SLX4IP: variants seen among roughly 807,000 people sequenced by gnomAD.
SLX4IP encodes the protein protein SLX4IP.
A neutral mutation model predicts 32.9 loss-of-function variants in SLX4IP; 34 were observed. The ratio of observed to expected loss-of-function variants is 1.03; its 90% CI spans 0.79 to 1.38. The LOEUF (loss-of-function observed/expected upper bound fraction) is 1.38, where lower values mean the gene tolerates loss of function less well. SLX4IP is among the 40% of genes most tolerant of loss of function. The pLI, the probability that SLX4IP is intolerant of heterozygous loss-of-function variation, is 0.00. For synonymous variants in SLX4IP, 172 were observed against 171.7 expected (o/e 1.00, Z -0.01); for missense variants, 444 against 479.0 (o/e 0.93, Z 0.68).
At chr20:10,498,531 C>T (rs1030160708) in intron 2 of SLX4IP, among the ~76,000 whole-genome samples, 1 of 152,070 alleles carries the variant, frequency 6.6e-6, no homozygotes, top group Admixed American at 6.6e-5. Flanking sequence ...ATGGTTATCT[C>T]AGTTTTGAAG....
intron 2 of SLX4IP, among the ~76,000 whole-genome samples, chr20:10,541,632 C>T (rs765201568): frequency 6.6e-6 from 1 of 152,190 alleles, no homozygotes; most frequent in South Asian, 2.1e-4. Flanking sequence ...AGATATAGAA[C>T]ATGTGCATCA....
chr20:10,526,464 G>T (rs1280712236), intron 2 of SLX4IP, among the ~76,000 whole-genome samples: 1 of 152,186 alleles, frequency 6.6e-6, no homozygotes, highest in African/African-American at 2.4e-5. Flanking sequence ...TTTCTGACAC[G>T]TGCTGGTATT....
intron 1 of SLX4IP, among the ~76,000 whole-genome samples, chr20:10,439,566 A>G (rs897360688): frequency 3.9e-5 from 6 of 152,192 alleles, no homozygotes; most frequent in Non-Finnish European, 8.8e-5. Context: ...TATACAGTGA[A>G]ACCAAGAGGT....
Position 10,627,509 on chromosome 20 carries a change from C to T in SLX4IP, c.*4130C>T, listed in dbSNP as rs1600172557. On this transcript the variant is annotated 3_prime_UTR_variant, in exon 8 of 8. Coordinates refer to ENST00000334534, the MANE Select transcript of SLX4IP (RefSeq NM_001009608.3). ...GTATAATTAAATTCTCAGAAATCTG[C>T]AGGACTCACTCTAATTTGCTTTCTA... The T allele has an allele frequency of 1.3e-5, 2 of 152,158 alleles. No individual in the cohort carries two copies. The highest frequency in any genetic ancestry group is 3.8e-4 in the East Asian group (2 of 5,196). The allele number at this position is 152,158 out of a possible 1,614,324, so 9.4% of individuals were successfully genotyped here. A position where few individuals can be genotyped will look rare whatever the true frequency, so the allele number is the denominator to read the frequency against.
chr20:10,553,049 T>C (rs762190874), intron 2 of SLX4IP, among the ~76,000 whole-genome samples: 4 of 152,200 alleles, frequency 2.6e-5, no homozygotes, highest in Admixed American at 1.3e-4. Flanking sequence ...GGGCCTGTGA[T>C]TGAATTCAGA....
At chr20:10,476,099 C>T (rs944113150) in intron 2 of SLX4IP, among the ~76,000 whole-genome samples, 2 of 152,070 alleles carry the variant, frequency 1.3e-5, no homozygotes, top group East Asian at 1.9e-4. Context: ...GTTTTATTAT[C>T]GGTGTGCATT....
At chr20:10,518,239 T>A (rs537297820) in intron 2 of SLX4IP, among the ~76,000 whole-genome samples, 1 of 152,364 alleles carries the variant, frequency 6.6e-6, no homozygotes, top group African/African-American at 2.4e-5. Flanking sequence ...CTTGCTAACT[T>A]TAAGAACACA....
At chr20:10,458,686 A>G (rs1308940136) in intron 2 of SLX4IP, among the ~76,000 whole-genome samples, 5 of 152,210 alleles carry the variant, frequency 3.3e-5, no homozygotes, top group Non-Finnish European at 5.9e-5. Context: ...TGCAAAGGAC[A>G]TGATTTTGTT....
intron 2 of SLX4IP, among the ~76,000 whole-genome samples, chr20:10,465,749 G>T (rs1011953128): frequency 6.6e-6 from 1 of 152,190 alleles, no homozygotes; most frequent in African/African-American, 2.4e-5. Context: ...TTAGTGATCC[G>T]CCTGCCTCTG....
Position 10,614,026 on chromosome 20 carries a change from CTT to C in SLX4IP, c.406-7284_406-7283del, listed in dbSNP as rs2066998281. ...TCTCTGTCACCGAGAATGGAATAGA[CTT>C]TTTCCAGGATCTGGAAGCAGCGGGT... On this transcript the variant is annotated intron_variant, in intron 6 of 7. Transcript: ENST00000334534. 5.0e-5 allele frequency: 70 copies of C among 1,410,594 alleles called. 1 individual carries two copies. The South Asian group carries it at 5.9e-4, about 12-fold the overall frequency. The allele number at this position is 1,410,594 out of a possible 1,614,324, so 87.4% of individuals were successfully genotyped here.
chr20:10,537,877 A>C (rs1188161937), intron 2 of SLX4IP, among the ~76,000 whole-genome samples: 1 of 152,164 alleles, frequency 6.6e-6, no homozygotes, highest in Non-Finnish European at 1.5e-5. Flanking sequence ...TCTGTTCACA[A>C]TTCCTGAATT....
intron 3 of SLX4IP, among the ~76,000 whole-genome samples, chr20:10,557,923 A>C (rs962937948): frequency 6.6e-6 from 1 of 152,240 alleles, no homozygotes; most frequent in Non-Finnish European, 1.5e-5. Flanking sequence ...TGTGCAGTGC[A>C]TGACAGGACC....
rs1238089279 is a variant in SLX4IP, at chr20:10,621,352, T to C, written c.444T>C (p.Ala148=). The C allele has an allele frequency of 1.4e-5, 22 of 1,614,124 alleles. No individual in the cohort carries two copies. Among genetic ancestry groups the C allele is most frequent in the Non-Finnish European group, 1.8e-5 (21 of 1,180,042 alleles). ...RVLHGVSDYF[A]ECAESSLPPS... ...TCCATGGAGTGTCTGATTACTTTGC[T>C]GAGTGTGCAGAGAGTTCACTTCCTC... Residue 148 remains alanine (A), a synonymous_variant, in exon 7 of 8, where the codon GCT becomes GCC. Coordinates refer to ENST00000334534, the MANE Select transcript of SLX4IP (RefSeq NM_001009608.3).
At chr20:10,611,308 AC>A (rs1399015012) in intron 6 of SLX4IP, among the ~76,000 whole-genome samples, 2 of 152,200 alleles carry the variant, frequency 1.3e-5, no homozygotes, top group African/African-American at 4.8e-5. Context: ...TTTCATTTTC[AC>A]GAGACAGCAA....
At chr20:10,475,351 A>G (rs1236469470) in intron 2 of SLX4IP, among the ~76,000 whole-genome samples, 1 of 152,242 alleles carries the variant, frequency 6.6e-6, no homozygotes, top group Non-Finnish European at 1.5e-5. Context: ...GAGTCATAAT[A>G]ACTAGCTTAG....
chr20:10,526,606 G>A (rs2065942342), intron 2 of SLX4IP, among the ~76,000 whole-genome samples: 1 of 152,068 alleles, frequency 6.6e-6, no homozygotes, highest in African/African-American at 2.4e-5. Flanking sequence ...CAAACCAAGT[G>A]GTTTAAAACA....
intron 2 of SLX4IP, among the ~76,000 whole-genome samples, chr20:10,508,624 A>C (rs185693140): frequency 6.6e-6 from 1 of 152,108 alleles, no homozygotes; most frequent in Non-Finnish European, 1.5e-5. Context: ...CCTACAGTAC[A>C]TGGCCCAGAC....
intron 2 of SLX4IP, among the ~76,000 whole-genome samples, chr20:10,461,897 C>T (rs1004774084): frequency 8.5e-5 from 13 of 152,164 alleles, no homozygotes; most frequent in Non-Finnish European, 5.9e-5. Flanking sequence ...CCTGCCTTAG[C>T]CTCCTGAGTA....
At chr20:10,539,105 ATAAC>A (rs368164620) in intron 2 of SLX4IP, among the ~76,000 whole-genome samples, 117 of 152,378 alleles carry the variant, frequency 7.7e-4, no homozygotes, top group African/African-American at 2.7e-3. Context: ...TTTCATAAGA[ATAAC>A]TAATTGTAAA....
Sources: gnomAD v4.1 joint callset for allele counts (sites outside exome capture counted in the v4.1 genomes callset) on GRCh38, gnomAD v4.1.1 for gene constraint, MANE v1.5 for transcripts, NCBI Gene and HGNC (gene_info 2026-07-23, HGNC 2026-07-21) for gene names.